The following JPT2 variants were observed in gnomAD, a reference collection of about 807,000 sequenced individuals.
JPT2 encodes CRAMP_1 like.
A neutral mutation model predicts 15.9 loss-of-function variants in JPT2; 9 were observed. The ratio of observed to expected loss-of-function variants is 0.57; its 90% CI spans 0.34 to 0.99. The LOEUF is 0.99. Ranked by LOEUF, JPT2 falls within the 50% of genes least tolerant of loss-of-function variation. The pLI, the probability that JPT2 is intolerant of heterozygous loss-of-function variation, is 0.02. For synonymous variants in JPT2, 95 were observed against 91.7 expected, an observed-to-expected ratio of 1.04 and a Z score of -0.21; for missense variants, 267 against 252.1, an observed-to-expected ratio of 1.06 and a Z score of -0.40.
At chr16:1,696,165 G>A (rs1028684759) in intron 3 of JPT2, among the ~76,000 whole-genome samples, 3 of 151,942 alleles carry the variant, frequency 2.0e-5, no homozygotes, top group African/African-American at 4.8e-5. Flanking sequence ...GGAGGCTGAG[G>A]TTGCAATGAG....
rs895094974 is a variant in JPT2, at chr16:1,700,267, C to T, written c.*1269C>T. 15 of 425,028 alleles carry T rather than the reference C, an allele frequency of 3.5e-5. No individual in the cohort carries two copies. The highest frequency in any genetic ancestry group is 2.0e-4 in the African/African-American group (10 of 49,290). The allele number at this position is 425,028 out of a possible 1,614,324, so 26.3% of individuals were successfully genotyped here. A position where few individuals can be genotyped will look rare whatever the true frequency, so the allele number is the denominator to read the frequency against. On this transcript the variant is annotated 3_prime_UTR_variant, in exon 5 of 5. Coordinates refer to ENST00000248098, the MANE Select transcript of JPT2 (RefSeq NM_144570.3). Reference sequence around the variant, plus strand: ...AATTCCCTGAGCTTTGCTCACTCAGCTAATGGGATGGCAAAGGTGGTGGTG... The same window carrying T: ...AATTCCCTGAGCTTTGCTCACTCAGTTAATGGGATGGCAAAGGTGGTGGTG...
intron 3 of JPT2, among the ~76,000 whole-genome samples, chr16:1,693,077 A>C (rs2037115294): frequency 1.3e-5 from 2 of 152,100 alleles, no homozygotes; most frequent in African/African-American, 4.8e-5. Context: ...GACTCTGCTG[A>C]GGTTTGGTCG....
intron 1 of JPT2, among the ~76,000 whole-genome samples, chr16:1,679,336 T>A (rs2037001935): frequency 6.6e-6 from 1 of 152,240 alleles, no homozygotes; most frequent in Admixed American, 6.5e-5. Flanking sequence ...TATGATCAAG[T>A]GAAGACAAAT....
intron 2 of JPT2, chr16:1,689,037 C>G (rs1039139103): frequency 6.6e-6 from 1 of 152,152 alleles, no homozygotes; most frequent in Non-Finnish European, 1.5e-5. Flanking sequence ...TTTCTGGGAA[C>G]GGGCACTGTT....
rs2037174236 is a variant in JPT2 at position 1,700,572 on chromosome 16, CTG to C, written c.*1575_*1576del. 5.5e-6 allele frequency: 1 copy of C among 182,476 alleles called. No individual in the cohort carries two copies. The highest frequency in any genetic ancestry group is 1.2e-5 in the Non-Finnish European group (1 of 83,196). 11.3% of individuals were successfully genotyped at this position (182,476 alleles called of 1,614,324 possible). A position where few individuals can be genotyped will look rare whatever the true frequency, so the allele number is the denominator to read the frequency against. The stretch of plus-strand genomic sequence containing the variant: ...AGCTCCCCTTCCTACACCTGGCACA[CTG>C]GGGTCTGCACAAGGCTTTGTCAACC... On this transcript the variant is annotated 3_prime_UTR_variant, in exon 5 of 5. Coordinates refer to ENST00000248098, the MANE Select transcript of JPT2 (RefSeq NM_144570.3).
chr16:1,691,262 A>G (rs1393559607), intron 2 of JPT2, among the ~76,000 whole-genome samples: 1 of 152,178 alleles, frequency 6.6e-6, no homozygotes, highest in Non-Finnish European at 1.5e-5. Flanking sequence ...GCACATTTTC[A>G]TTATGGCTTA....
At chr16:1,690,702 G>T (rs12935294) in intron 2 of JPT2, among the ~76,000 whole-genome samples, 2 of 152,190 alleles carry the variant, frequency 1.3e-5, no homozygotes, top group African/African-American at 4.8e-5. Context: ...CTTTTCTTCA[G>T]ATAAAAGCAA....
chr16:1,698,858 G>T lies in JPT2; in HGVS notation c.433G>T (p.Ala145Ser), dbSNP rs752003837. 4.3e-6 allele frequency: 7 copies of T among 1,614,108 alleles called. No homozygotes were observed. The highest frequency in any genetic ancestry group is 1.7e-5 in the Admixed American group (1 of 59,980). The change falls in exon 5 of 5, where the codon GCC becomes TCC. Residue 145 changes from alanine to serine, a missense_variant. Physicochemically the swap from Ala to Ser is moderately conservative, Grantham distance 99. Transcript: ENST00000248098. This position sits in a 1 kb window ranked among gnomAD's most constrained non-coding sequence, Gnocchi z 4.9. Reference protein sequence around the residue: ...AGAEPGEKGSARKAGPAKEQE... With the variant: ...AGAEPGEKGSSRKAGPAKEQE... Reference sequence around the variant, plus strand: ...AGCAGAGCCAGGTGAGAAAGGCAGCGCCAGAAAAGCAGGCCCCGCCAAGGA... The same window carrying T: ...AGCAGAGCCAGGTGAGAAAGGCAGCTCCAGAAAAGCAGGCCCCGCCAAGGA...
At position 1,699,849 on chromosome 16, in the gene JPT2, T is replaced by G. The variant is rs2037168969; in HGVS notation, c.*851T>G. 2 of 271,910 alleles carry G rather than the reference T, an allele frequency of 7.4e-6. No homozygotes were observed. Among genetic ancestry groups the G allele is most frequent in the African/African-American group, 4.4e-5 (2 of 45,880 alleles). 16.8% of individuals were successfully genotyped at this position (271,910 alleles called of 1,614,324 possible). ...TTCCCATAAATGAGGCCCGCTGACC[T>G]CTGCGGGACTTTAAAAATCTATTCA... On this transcript the variant is annotated 3_prime_UTR_variant, in exon 5 of 5. Coordinates refer to ENST00000248098, the MANE Select transcript of JPT2 (RefSeq NM_144570.3).
chr16:1,680,521 G>T, intron 1 of JPT2: 1 of 1,229,698 alleles, frequency 8.1e-7, no homozygotes, highest in South Asian at 1.4e-5. Flanking sequence ...GCTTCTGCTT[G>T]GGGTCCACCA....
intron 3 of JPT2, 174 bp downstream of exon 3, chr16:1,692,159 G>GA (rs1391622273): frequency 2.4e-6 from 2 of 825,958 alleles, no homozygotes; most frequent in Non-Finnish European, 3.7e-6. Context: ...AGTCACCCAG[G>GA]AAACAGTCCA....
At position 1,697,393 on chromosome 16, in the gene JPT2, G is replaced by A. The variant is rs536282567; in HGVS notation, c.337-419G>A. 6.1e-4 allele frequency among the ~76,000 whole-genome samples: 92 copies of A among 152,048 alleles called. 1 individual carries two copies. The South Asian group carries it at 0.019, about 31-fold the overall frequency. ...CCAGGTGTGGTGGCTCACGCCTGTA[G>A]TCCCCACTACTCGGGAGGCTGAGAT... On this transcript the variant is annotated intron_variant, in intron 3 of 4. Transcript: ENST00000248098.
At position 1,700,414 on chromosome 16, in the gene JPT2, T is replaced by C. The variant is rs1366572074; in HGVS notation, c.*1416T>C. On this transcript the variant is annotated 3_prime_UTR_variant, in exon 5 of 5. Coordinates refer to ENST00000248098, the MANE Select transcript of JPT2 (RefSeq NM_144570.3). The stretch of plus-strand genomic sequence containing the variant: ...AACGTCTGGGTGGCGGCAGCAGCTT[T>C]GCTCTGAGTGCCTACAAAGCTAATG... 1 of 262,936 alleles carries C rather than the reference T, an allele frequency of 3.8e-6. No homozygotes were observed. Among genetic ancestry groups the C allele is most frequent in the Admixed American group, 3.9e-5 (1 of 25,352 alleles). The allele number at this position is 262,936 out of a possible 1,614,324, so 16.3% of individuals were successfully genotyped here.
At position 1,695,297 on chromosome 16, in the gene JPT2, C is replaced by T. The variant is rs531559780; in HGVS notation, c.337-2515C>T. On this transcript the variant is annotated intron_variant, in intron 3 of 4. Transcript: ENST00000248098. ...GCACATGCTTGTAATCTCAGCTACTCGGGAGGCTGAGGCAGGAGAATCGCT... is the reference window on the plus strand; with the variant it reads ...GCACATGCTTGTAATCTCAGCTACTTGGGAGGCTGAGGCAGGAGAATCGCT... Among the ~76,000 whole-genome samples the T allele has an allele frequency of 2.9e-3, 446 of 151,702 alleles. 2 individuals are homozygous for T. Among genetic ancestry groups the T allele is most frequent in the African/African-American group, 9.2e-3 (382 of 41,334 alleles).
At chr16:1,680,648 G>C (rs1208565657) in intron 1 of JPT2, 3 of 327,202 alleles carry the variant, frequency 9.2e-6, no homozygotes, top group Non-Finnish European at 1.4e-5. Flanking sequence ...AGATTACCTA[G>C]CCAGGTTTTC....
chr16:1,696,394 G>A (rs992515351), intron 3 of JPT2, among the ~76,000 whole-genome samples: 2 of 151,770 alleles, frequency 1.3e-5, no homozygotes, highest in African/African-American at 4.8e-5. Flanking sequence ...GTAGCTGGGC[G>A]CCTGTACTCC....
At chr16:1,683,683 T>A in intron 1 of JPT2, 8 of 879,406 alleles carry the variant, frequency 9.1e-6, no homozygotes, top group Non-Finnish European at 1.3e-5. Flanking sequence ...CCTTCCTGCT[T>A]TATAGCAGGA....
intron 1 of JPT2, among the ~76,000 whole-genome samples, chr16:1,679,208 G>T (rs902766815): frequency 6.6e-6 from 1 of 152,330 alleles, no homozygotes. Context: ...GTCTTCAGAT[G>T]CCTGAGGTTT....
In JPT2 at chr16:1,678,348, C is replaced by T; in HGVS notation, c.36C>T (p.Ala12=). ...TCCCGGATAGCGAGGGCGGCCGCGCCGGCTCCAGGTGCGGCGCGGGGCACA... is the reference window on the plus strand; with the variant it reads ...TCCCGGATAGCGAGGGCGGCCGCGCTGGCTCCAGGTGCGGCGCGGGGCACA... The part of the protein sequence containing the change: ...FQVPDSEGGR[A]GSRAMKPPGG... Residue 12 remains alanine, a synonymous_variant, in exon 1 of 5, where the codon GCC becomes GCT. Transcript: ENST00000248098. 2 of 1,219,298 alleles carry T rather than the reference C, an allele frequency of 1.6e-6. No individual in the cohort carries two copies. Among genetic ancestry groups the T allele is most frequent in the Non-Finnish European group, 2.0e-6 (2 of 977,906 alleles). 75.5% of individuals were successfully genotyped at this position (1,219,298 alleles called of 1,614,324 possible). A position where few individuals can be genotyped will look rare whatever the true frequency, so the allele number is the denominator to read the frequency against.
Sources: allele counts gnomAD v4.1 joint callset (sites outside exome capture counted in the v4.1 genomes callset), GRCh38; gene constraint gnomAD v4.1.1; non-coding constraint Gnocchi (gnomAD v3.1); transcripts MANE v1.5; gene names NCBI Gene and HGNC (gene_info 2026-07-23, HGNC 2026-07-21).